GABRG3: variants seen among roughly 807,000 people sequenced by gnomAD.
GABRG3 encodes gamma-aminobutyric acid type A receptor subunit gamma3.
Under a neutral mutation model 48.8 loss-of-function variants are expected in GABRG3, and 25 were observed. That is an observed-to-expected ratio of 0.51 (90% CI 0.37 to 0.72). The LOEUF (loss-of-function observed/expected upper bound fraction) is 0.72. Ranked by LOEUF, GABRG3 falls within the 30% of genes least tolerant of loss-of-function variation. The pLI, the probability that GABRG3 is intolerant of heterozygous loss-of-function variation, is 0.00. For synonymous variants in GABRG3, 227 were observed against 217.6 expected (o/e 1.04, Z -0.38); for missense variants, 394 against 577.9 (o/e 0.68, Z 3.26).
chr15:27,170,114 C>T (rs1375743731), intron 3 of GABRG3, among the ~76,000 whole-genome samples: 1 of 152,276 alleles, frequency 6.6e-6, no homozygotes, highest in East Asian at 1.9e-4. Context: ...TGGATGGAAA[C>T]GGGAGCCTAC....
chr15:27,532,101 A>G (rs55973541), intron 9 of GABRG3, among the ~76,000 whole-genome samples: 3,549 of 152,304 alleles, frequency 0.023, 72 homozygotes, highest in Non-Finnish European at 0.039. Context: ...CAATATACAT[A>G]CTGTTTCACA....
At chr15:27,107,990 A>G (rs995076963) in intron 3 of GABRG3, among the ~76,000 whole-genome samples, 12 of 151,322 alleles carry the variant, frequency 7.9e-5, no homozygotes, top group African/African-American at 2.7e-4. Flanking sequence ...GAAGTTCATT[A>G]ATTTTATTGA....
chr15:27,241,260 G>A (rs56210406), intron 3 of GABRG3, among the ~76,000 whole-genome samples: 1 of 152,208 alleles, frequency 6.6e-6, no homozygotes, highest in African/African-American at 2.4e-5. Context: ...CAGTGTGAGT[G>A]TGAGGGAATG....
intron 5 of GABRG3, among the ~76,000 whole-genome samples, chr15:27,385,275 A>T (rs1265278995): frequency 5.8e-5 from 2 of 34,618 alleles, no homozygotes; most frequent in African/African-American, 1.4e-4. Context: ...AGGCAACTGT[A>T]TTGTTTCTAT....
At chr15:27,125,962 C>T (rs1282673501) in intron 3 of GABRG3, among the ~76,000 whole-genome samples, 2 of 152,198 alleles carry the variant, frequency 1.3e-5, no homozygotes, top group African/African-American at 2.4e-5. Context: ...TTCCAAATGG[C>T]ATGTTCCAGT....
chr15:27,262,221 C>A (rs566515208), intron 3 of GABRG3, among the ~76,000 whole-genome samples: 2 of 152,314 alleles, frequency 1.3e-5, no homozygotes, highest in East Asian at 3.9e-4. Flanking sequence ...CTTTAATGGG[C>A]CCTCCCGCGC....
chr15:27,523,711 A>T (rs1488703894), intron 7 of GABRG3, among the ~76,000 whole-genome samples: 1 of 152,024 alleles, frequency 6.6e-6, no homozygotes, highest in East Asian at 1.9e-4. Flanking sequence ...TGAAAAATAC[A>T]ATGCCAAAAT....
intron 3 of GABRG3, among the ~76,000 whole-genome samples, chr15:27,250,057 G>A (rs1890404683): frequency 1.3e-5 from 2 of 152,076 alleles, no homozygotes; most frequent in African/African-American, 4.8e-5. Context: ...CCATCCTCCT[G>A]TCTGTTCTTT....
rs1007047209 is a variant in GABRG3, at chr15:27,540,780, C to A, written c.*7899C>A. ...AGAGTAATTATTTTCAGGGATCAGA[C>A]CTATGTGTTGTTAGGAGCAAGAGGC... On this transcript the variant is annotated 3_prime_UTR_variant, in exon 10 of 10. Coordinates refer to ENST00000615808, the MANE Select transcript of GABRG3 (RefSeq NM_033223.5). The A allele has an allele frequency of 6.6e-6, 1 of 152,146 alleles. No homozygotes were observed. Among genetic ancestry groups the A allele is most frequent in the African/African-American group, 2.4e-5 (1 of 41,432 alleles). 9.4% of individuals were successfully genotyped at this position (152,146 alleles called of 1,614,324 possible). A position where few individuals can be genotyped will look rare whatever the true frequency, so the allele number is the denominator to read the frequency against.
At chr15:27,486,164 G>A (rs1212371505) in intron 6 of GABRG3, among the ~76,000 whole-genome samples, 5 of 152,112 alleles carry the variant, frequency 3.3e-5, no homozygotes, top group African/African-American at 9.7e-5. Context: ...GCTTAGAAGC[G>A]GCTTTGTAGT....
chr15:27,224,671 A>C (rs1274386922), intron 3 of GABRG3, among the ~76,000 whole-genome samples: 1 of 152,212 alleles, frequency 6.6e-6, no homozygotes, highest in Non-Finnish European at 1.5e-5. Context: ...ACTTATGATG[A>C]GAATGTATTT....
intron 3 of GABRG3, among the ~76,000 whole-genome samples, chr15:27,084,447 T>C (rs1897042411): frequency 6.6e-6 from 1 of 152,208 alleles, no homozygotes; most frequent in African/African-American, 2.4e-5. Flanking sequence ...TGAGATATGA[T>C]GGAGATTGCC....
chr15:27,503,673 T>C (rs928373580), intron 6 of GABRG3, among the ~76,000 whole-genome samples: 1 of 152,230 alleles, frequency 6.6e-6, no homozygotes, highest in Admixed American at 6.5e-5. Flanking sequence ...GTTCTATAAA[T>C]GCAAATTAGC....
intron 3 of GABRG3, among the ~76,000 whole-genome samples, chr15:27,320,105 C>T (rs1893368704): frequency 6.6e-6 from 1 of 152,124 alleles, no homozygotes; most frequent in South Asian, 2.1e-4. Context: ...AAAGGTAAAG[C>T]CCAAGGACCC....
chr15:27,307,289 A>ATATATGTTTATATATAACCATGTTCATAT (rs2140500249), intron 3 of GABRG3, among the ~76,000 whole-genome samples: 2 of 139,966 alleles, frequency 1.4e-5, no homozygotes, highest in African/African-American at 5.1e-5. Flanking sequence ...CCATAGGTTT[A>ATATATGTTTATATATAACCATGTTCATAT]TATATGTTTA....
rs1169926074 is a variant in GABRG3 at position 27,313,262 on chromosome 15, GTATATATATATATATATATATATA to G, written c.271-13522_271-13499del. 1.9e-3 allele frequency among the ~76,000 whole-genome samples: 64 copies of G among 34,556 alleles called. 2 individuals are homozygous for G. The highest frequency in any genetic ancestry group is 4.3e-3 in the East Asian group (4 of 938). The allele number at this position is 34,556 out of a possible 152,430, so 22.7% of individuals were successfully genotyped here. ...TATATGTGTGTGTGTGTGTGTGTGT[GTATATATATATATATATATATATA>G]TATATATATATATATATATATATAC... On this transcript the variant is annotated intron_variant, in intron 3 of 9. Coordinates refer to ENST00000615808, the MANE Select transcript of GABRG3 (RefSeq NM_033223.5).
intron 5 of GABRG3, among the ~76,000 whole-genome samples, chr15:27,413,631 G>C (rs1381172864): frequency 6.6e-6 from 1 of 152,034 alleles, no homozygotes; most frequent in Non-Finnish European, 1.5e-5. Context: ...ACTGCATTCA[G>C]ATCAGTGTGT....
chr15:27,155,638 CTTGGGTTTATTTA>C (rs1179366792), intron 3 of GABRG3, among the ~76,000 whole-genome samples: 1 of 152,148 alleles, frequency 6.6e-6, no homozygotes, highest in Admixed American at 6.5e-5. Flanking sequence ...AGTTTCCGTC[CTTGGGTTTATTTA>C]TTGGGTTTAT....
At chr15:27,026,055 C>T (rs1436286800) in intron 2 of GABRG3, among the ~76,000 whole-genome samples, 2 of 152,268 alleles carry the variant, frequency 1.3e-5, no homozygotes, top group Non-Finnish European at 2.9e-5. Flanking sequence ...GCCAGGGTAG[C>T]CTCTGACATA....
Sources: allele counts gnomAD v4.1 joint callset (sites outside exome capture counted in the v4.1 genomes callset), GRCh38; gene constraint gnomAD v4.1.1; transcripts MANE v1.5; gene names NCBI Gene and HGNC (gene_info 2026-07-23, HGNC 2026-07-21).